MICU2: variants seen among roughly 807,000 people sequenced by gnomAD.
MICU2 encodes the protein mitochondrial calcium uptake 2.
MICU2 carries 64 observed loss-of-function variants against 60.4 expected under a neutral mutation model. The observed-to-expected ratio is 1.06, with a 90% confidence interval of 0.87 to 1.31. MICU2 has a LOEUF of 1.31. Ranked by LOEUF, MICU2 falls within the 50% of genes most tolerant of loss-of-function variation. The pLI is 0.00. For synonymous variants in MICU2, 201 were observed against 175.0 expected (o/e 1.15, Z -1.17); for missense variants, 569 against 531.0 (o/e 1.07, Z -0.70).
At chr13:21,553,405 T>C (rs1462047461) in intron 2 of MICU2, among the ~76,000 whole-genome samples, 4 of 152,182 alleles carry the variant, frequency 2.6e-5, no homozygotes, top group Non-Finnish European at 5.9e-5. Flanking sequence ...TTTTCCTAAC[T>C]GAATGCCCTT....
chr13:21,530,831 C>A, intron 4 of MICU2: 1 of 735,042 alleles, frequency 1.4e-6, no homozygotes, highest in Admixed American at 2.0e-5. Flanking sequence ...CGTGGTGCCC[C>A]CATGGACGAC....
chr13:21,585,662 A>G (rs757703092), intron 1 of MICU2, among the ~76,000 whole-genome samples: 1 of 152,228 alleles, frequency 6.6e-6, no homozygotes, highest in African/African-American at 2.4e-5. Context: ...CATCTTATTA[A>G]CTACATTGAG....
chr13:21,519,935 C>G (rs908947727), intron 6 of MICU2, among the ~76,000 whole-genome samples: 19 of 152,158 alleles, frequency 1.2e-4, no homozygotes, highest in African/African-American at 4.3e-4. Context: ...ATTTATATAC[C>G]AGTGTAGCCA....
chr13:21,582,704 A>G (rs550048809), intron 1 of MICU2, among the ~76,000 whole-genome samples: 23 of 152,258 alleles, frequency 1.5e-4, no homozygotes, highest in African/African-American at 4.1e-4. Context: ...CTGCTCTGCC[A>G]TAAGTGTTTT....
chr13:21,495,513 A>G (rs976785924), intron 10 of MICU2, 195 bp from the exon 11 acceptor site: 7 of 524,832 alleles, frequency 1.3e-5, no homozygotes, highest in African/African-American at 1.3e-4. Flanking sequence ...ACTGCAAGAC[A>G]AATGAGCTAT....
intron 8 of MICU2, among the ~76,000 whole-genome samples, chr13:21,506,517 T>G (rs1238103973): frequency 1.3e-5 from 2 of 152,218 alleles, no homozygotes; most frequent in African/African-American, 4.8e-5. Context: ...CCTGGAAATG[T>G]GTCTTTTTGA....
rs530161785 is a variant in MICU2, at chr13:21,545,389, A to G, written c.359-5701T>C. 3.9e-5 allele frequency among the ~76,000 whole-genome samples: 6 copies of G among 152,332 alleles called. No individual in the cohort carries two copies. In the South Asian group the frequency reaches 8.3e-4, roughly 21 times the overall value. ...TCACTGATATGTGGAAGCTAAAAAA[A>G]GTTTATCTCAGCCGGGTGCAGTGGC... On this transcript the variant is annotated intron_variant, in intron 2 of 11. Transcript: ENST00000382374.
intron 2 of MICU2, among the ~76,000 whole-genome samples, chr13:21,558,794 T>C (rs111563174): frequency 6.6e-6 from 1 of 152,070 alleles, no homozygotes; most frequent in Non-Finnish European, 1.5e-5. Context: ...AGGCCCAAGG[T>C]AGAGCCTCCA....
At chr13:21,563,193 T>C (rs970022115) in intron 2 of MICU2, among the ~76,000 whole-genome samples, 62 of 152,186 alleles carry the variant, frequency 4.1e-4, no homozygotes, top group Admixed American at 2.9e-3. Context: ...TGGTGGCTCA[T>C]GCCTGTAATC....
intron 2 of MICU2, 121 bp from the exon 3 acceptor site, chr13:21,539,809 G>C (rs1160317080): frequency 2.2e-6 from 2 of 922,658 alleles, no homozygotes; most frequent in Non-Finnish European, 3.2e-6. Flanking sequence ...AAAAAGCAAA[G>C]GCTTGTAATT....
intron 6 of MICU2, among the ~76,000 whole-genome samples, chr13:21,517,680 G>A (rs1886603300): frequency 6.6e-6 from 1 of 152,132 alleles, no homozygotes; most frequent in African/African-American, 2.4e-5. Context: ...GAGAGGCTGA[G>A]GCAGGAGAAT....
chr13:21,512,331 T>C (rs1340757868), intron 7 of MICU2, among the ~76,000 whole-genome samples: 1 of 152,232 alleles, frequency 6.6e-6, no homozygotes, highest in East Asian at 1.9e-4. Context: ...AGAAGAGTTC[T>C]TTATATATAC....
intron 1 of MICU2, 40 bp from the exon 2 acceptor site, chr13:21,566,984 G>T: frequency 1.3e-6 from 2 of 1,531,468 alleles, no homozygotes; most frequent in Non-Finnish European, 1.8e-6. Flanking sequence ...TTTTTTCAGT[G>T]TTATTCCCAG....
intron 4 of MICU2, among the ~76,000 whole-genome samples, chr13:21,538,803 T>C (rs1162772692): frequency 1.3e-5 from 2 of 152,158 alleles, no homozygotes; most frequent in Admixed American, 6.5e-5. Flanking sequence ...CAATACCCCA[T>C]AGATAACAAG....
chr13:21,541,208 T>A (rs1387914137), intron 2 of MICU2, among the ~76,000 whole-genome samples: 1 of 152,056 alleles, frequency 6.6e-6, no homozygotes, highest in African/African-American at 2.4e-5. Flanking sequence ...AGGGGTGTTA[T>A]CTGTTTGAAG....
chr13:21,511,498 A>G (rs576498171), intron 7 of MICU2, among the ~76,000 whole-genome samples: 1 of 152,336 alleles, frequency 6.6e-6, no homozygotes, highest in South Asian at 2.1e-4. Context: ...TTATTTTGGG[A>G]TACCTATAGA....
At chr13:21,509,639 G>A (rs114314113) in intron 8 of MICU2, among the ~76,000 whole-genome samples, 21 of 152,316 alleles carry the variant, frequency 1.4e-4, no homozygotes, top group East Asian at 5.8e-4. Flanking sequence ...CTGCCCAACC[G>A]ACTCAAAGAC....
chr13:21,603,583 A>C, intron 1 of MICU2: 1 of 320,794 alleles, frequency 3.1e-6, no homozygotes, highest in Non-Finnish European at 5.8e-6. Flanking sequence ...CCAGAGAGGT[A>C]GCAAGAGGCG....
chr13:21,528,747 A>T lies in MICU2; in HGVS notation c.467-6097T>A, dbSNP rs572010831. On this transcript the variant is annotated intron_variant, in intron 4 of 11. Transcript: ENST00000382374. ...TTAGCAGATGACACATAAACCAGCA[A>T]TTATAATAAAACGTGGTGAGAAAGA... Among the ~76,000 whole-genome samples, 4 of 152,386 alleles carry T rather than the reference A, an allele frequency of 2.6e-5. No individual in the cohort carries two copies. The South Asian group carries it at 8.3e-4, about 32-fold the overall frequency.
Sources: gnomAD v4.1 joint callset for allele counts (sites outside exome capture counted in the v4.1 genomes callset) on GRCh38, gnomAD v4.1.1 for gene constraint, MANE v1.5 for transcripts, NCBI Gene and HGNC (gene_info 2026-07-23, HGNC 2026-07-21) for gene names.